The following SGCD variants were observed in gnomAD, a reference collection of about 807,000 sequenced individuals.
SGCD encodes sarcoglycan delta, also known as delta-sarcoglycan.
In SGCD, 18 loss-of-function variants were observed where a neutral mutation model predicts 36.6. The observed-to-expected ratio is 0.49, with a 90% CI of 0.34 to 0.73. The LOEUF is 0.73. SGCD is among the 30% of genes least tolerant of loss of function. The probability of loss-of-function intolerance (pLI) is 0.01; values close to 1 mark genes in which losing one functional copy is unlikely to be tolerated. For missense variants in SGCD, 387 were observed against 346.7 expected, an observed-to-expected ratio of 1.12 and a Z score of -0.92; for synonymous variants, 133 against 130.6, an observed-to-expected ratio of 1.02 and a Z score of -0.12.
intron 1 of SGCD, among the ~76,000 whole-genome samples, chr5:156,103,947 T>C (rs923279232): frequency 6.6e-6 from 1 of 152,162 alleles, no homozygotes; most frequent in Non-Finnish European, 1.5e-5. Flanking sequence ...CTGTATTATT[T>C]AAAGTGTGCA....
intron 6 of SGCD, among the ~76,000 whole-genome samples, chr5:156,608,746 T>C (rs980033459): frequency 6.6e-6 from 1 of 152,236 alleles, no homozygotes; most frequent in African/African-American, 2.4e-5. Flanking sequence ...GGTGCCTATA[T>C]ATTTAGGATA....
At chr5:156,238,535 A>G (rs1396766308) in intron 3 of SGCD, among the ~76,000 whole-genome samples, 1 of 152,238 alleles carries the variant, frequency 6.6e-6, no homozygotes, top group African/African-American at 2.4e-5. Context: ...GGCCAAGAAT[A>G]GACTTTATGT....
At chr5:155,806,469 G>A in the SGCD span, among the ~76,000 whole-genome samples, 1 of 152,194 alleles carries the variant, frequency 6.6e-6, no homozygotes, top group African/African-American at 2.4e-5. Flanking sequence ...ACTATTTTCA[G>A]TGGAAATGCA....
intron 7 of SGCD, among the ~76,000 whole-genome samples, chr5:156,745,416 C>A (rs1561893042): frequency 1.3e-5 from 2 of 152,164 alleles, no homozygotes; most frequent in African/African-American, 4.8e-5. Flanking sequence ...ACGGTGGGTC[C>A]AAGTTCACGG....
rs556714388 is a variant in SGCD, at chr5:156,384,145, A to G, written c.192+39468A>G. ...GTAGCACATTCAATGCCAGAAAGAG[A>G]CAAGAAGAGGGATGAGGACTGGATA... On this transcript the variant is annotated intron_variant, in intron 3 of 8. Coordinates refer to ENST00000337851, the MANE Select transcript of SGCD (RefSeq NM_000337.6). Among the ~76,000 whole-genome samples, 58 of 152,342 alleles carry G rather than the reference A, an allele frequency of 3.8e-4. 1 individual carries two copies. Among genetic ancestry groups the G allele is most frequent in the African/African-American group, 1.4e-3 (57 of 41,576 alleles).
In SGCD at chr5:156,385,039, C is replaced by T. The variant is rs751441013; in HGVS notation, c.192+40362C>T. ...TGGGTGGGTGGTGCAGGAATCCAGC[C>T]AGAAATGCACACCATTAAAATCATC... On this transcript the variant is annotated intron_variant, in intron 3 of 8. Coordinates refer to ENST00000337851, the MANE Select transcript of SGCD (RefSeq NM_000337.6). Among the ~76,000 whole-genome samples, 11 of 152,072 alleles carry T rather than the reference C, an allele frequency of 7.2e-5. 1 individual carries two copies. The highest frequency in any genetic ancestry group is 1.6e-4 in the Non-Finnish European group (11 of 68,024).
intron 3 of SGCD, among the ~76,000 whole-genome samples, chr5:156,346,946 C>T (rs1303139421): frequency 6.6e-6 from 1 of 151,930 alleles, no homozygotes; most frequent in African/African-American, 2.4e-5. Context: ...TACAGGTGCG[C>T]ACCACCACGC....
At chr5:156,480,536 C>A (rs1159997372) in intron 3 of SGCD, among the ~76,000 whole-genome samples, 1 of 152,150 alleles carries the variant, frequency 6.6e-6, no homozygotes, top group East Asian at 1.9e-4. Context: ...AATCAGATGA[C>A]CTTGATGGCT....
At chr5:155,806,764 A>C in the SGCD span, among the ~76,000 whole-genome samples, 1 of 152,196 alleles carries the variant, frequency 6.6e-6, no homozygotes, top group Non-Finnish European at 1.5e-5. Flanking sequence ...CAGCAATGAA[A>C]TAATAGAAAT....
chr5:156,057,992 A>G (rs1363651442), intron 1 of SGCD, among the ~76,000 whole-genome samples: 1 of 146,220 alleles, frequency 6.8e-6, no homozygotes, highest in Non-Finnish European at 1.5e-5. Flanking sequence ...CTTTTTAGAC[A>G]TCTTCAGGCA....
chr5:156,569,606 CAAA>C (rs11364707), intron 4 of SGCD, among the ~76,000 whole-genome samples: 1 of 124,490 alleles, frequency 8.0e-6, no homozygotes. Flanking sequence ...GACCCTGTCT[CAAA>C]AAAAAAAAAA....
intron 3 of SGCD, among the ~76,000 whole-genome samples, chr5:156,274,125 C>T (rs1766254173): frequency 6.6e-6 from 1 of 152,050 alleles, no homozygotes; most frequent in African/African-American, 2.4e-5. Flanking sequence ...CTGGGCCCCA[C>T]AGCGTGAGGA....
chr5:156,205,501 C>T (rs1047902906), intron 3 of SGCD, among the ~76,000 whole-genome samples: 1 of 152,098 alleles, frequency 6.6e-6, no homozygotes, highest in Non-Finnish European at 1.5e-5. Context: ...AGGCTGTCAT[C>T]GTATAAGACA....
At chr5:155,836,319 C>A in the SGCD span, among the ~76,000 whole-genome samples, 1 of 152,138 alleles carries the variant, frequency 6.6e-6, no homozygotes, top group African/African-American at 2.4e-5. Context: ...GGTTCTTGGC[C>A]ATACTGATTA....
At chr5:155,915,422 A>G (rs1756715800) in intron 1 of SGCD, among the ~76,000 whole-genome samples, 1 of 152,182 alleles carries the variant, frequency 6.6e-6, no homozygotes, top group Non-Finnish European at 1.5e-5. Flanking sequence ...TAAAACTGAA[A>G]GATGGATGAG....
At chr5:156,438,483 A>T (rs1250997375) in intron 3 of SGCD, among the ~76,000 whole-genome samples, 3 of 152,122 alleles carry the variant, frequency 2.0e-5, no homozygotes, top group African/African-American at 7.2e-5. Context: ...AGCAGCAAAG[A>T]CAACAGAGCC....
At position 156,651,480 on chromosome 5, in the gene SGCD, A is replaced by G. The variant is rs184265638; in HGVS notation, c.575+3944A>G. ...CCATCTTTAGTTAATTCTTAAATAT[A>G]GGGAAAGGTAGGAGTCCAGTTTTAT... On this transcript the variant is annotated intron_variant, in intron 7 of 8. Coordinates refer to ENST00000337851, the MANE Select transcript of SGCD (RefSeq NM_000337.6). Among the ~76,000 whole-genome samples the G allele has an allele frequency of 9.0e-4, 137 of 152,218 alleles. 1 individual carries two copies. Among genetic ancestry groups the G allele is most frequent in the Non-Finnish European group, 1.7e-3 (114 of 67,972 alleles).
At chr5:155,936,742 C>G (rs1178539629) in intron 1 of SGCD, among the ~76,000 whole-genome samples, 1 of 152,214 alleles carries the variant, frequency 6.6e-6, no homozygotes, top group Non-Finnish European at 1.5e-5. Flanking sequence ...GGACGCGCCC[C>G]CTTTTACCCA....
intron 1 of SGCD, among the ~76,000 whole-genome samples, chr5:155,891,305 A>G (rs1262191805): frequency 6.6e-6 from 1 of 152,158 alleles, no homozygotes; most frequent in African/African-American, 2.4e-5. Flanking sequence ...CCTTGTGGCT[A>G]AAAATGAAAT....
Sources: allele counts gnomAD v4.1 joint callset (sites outside exome capture counted in the v4.1 genomes callset), GRCh38; gene constraint gnomAD v4.1.1; transcripts MANE v1.5; gene names NCBI Gene and HGNC (gene_info 2026-07-23, HGNC 2026-07-21).